ENTPD1: variants seen among roughly 807,000 people sequenced by gnomAD.
ENTPD1 encodes ectonucleoside triphosphate diphosphohydrolase 1.
ENTPD1 carries 33 observed loss-of-function variants against 57.0 expected under a neutral mutation model. The ratio of observed to expected loss-of-function variants is 0.58; its 90% CI spans 0.44 to 0.77. The LOEUF (loss-of-function observed/expected upper bound fraction) is 0.77, where lower values mean the gene tolerates loss of function less well. Ranked by LOEUF, ENTPD1 falls within the 30% of genes least tolerant of loss-of-function variation. The pLI is 0.00. For synonymous variants in ENTPD1, 202 were observed against 218.8 expected, an observed-to-expected ratio of 0.92 and a Z score of 0.68; for missense variants, 501 against 603.4, an observed-to-expected ratio of 0.83 and a Z score of 1.78.
intron 2 of ENTPD1, among the ~76,000 whole-genome samples, chr10:95,827,875 C>T (rs1344161406): frequency 6.6e-6 from 1 of 152,216 alleles, no homozygotes; most frequent in African/African-American, 2.4e-5. Context: ...CAACTAGTCA[C>T]ATTTCAAGTG....
chr10:95,760,395 C>A (rs1372345219), intron 1 of ENTPD1, among the ~76,000 whole-genome samples: 1 of 151,046 alleles, frequency 6.6e-6, no homozygotes, highest in Admixed American at 6.6e-5. Context: ...GTAAAAAGCC[C>A]CCTTTTTTCC....
At chr10:95,835,816 C>A (rs1355377272) in intron 2 of ENTPD1, among the ~76,000 whole-genome samples, 2 of 151,952 alleles carry the variant, frequency 1.3e-5, no homozygotes, top group East Asian at 3.9e-4. Context: ...TGTGCAGAAG[C>A]TCTTTAGTTT....
Position 95,847,587 on chromosome 10 carries a change from A to G in ENTPD1, c.955A>G (p.Ile319Val), listed in dbSNP as rs1424830728. Residue 319 changes from isoleucine to valine, a missense_variant, in exon 7 of 10, where the codon ATT (isoleucine) becomes GTT (valine). Physicochemically the swap from Ile to Val is conservative, Grantham distance 29. Coordinates refer to ENST00000371205, the MANE Select transcript of ENTPD1 (RefSeq NM_001776.6). ...LPFQQFEIQG[I>V]GNYQQCHQSI... ...ATTCCAGCAGTTTGAAATCCAGGGT[A>G]TTGGAAACTATCAACAATGCCATCA... 6.2e-7 allele frequency: 1 copy of G among 1,614,158 alleles called. No homozygotes were observed. The highest frequency in any genetic ancestry group is 8.5e-7 in the Non-Finnish European group (1 of 1,180,024).
intron 1 of ENTPD1, among the ~76,000 whole-genome samples, chr10:95,787,807 T>C (rs140875271): frequency 0.015 from 2,249 of 152,324 alleles, 28 homozygotes; most frequent in Middle Eastern, 0.044. Flanking sequence ...GTTCTTACCA[T>C]ATGTAATCTT....
Position 95,867,025 on chromosome 10 carries a change from G to C in ENTPD1, c.*642G>C. On this transcript the variant is annotated 3_prime_UTR_variant, in exon 10 of 10. Transcript: ENST00000371205. ...TATGTCAATAAATCACATATTCCTA[G>C]GTGATACCCAAATGCTACAGAGTGG... 1 of 991,716 alleles carries C rather than the reference G, an allele frequency of 1.0e-6. No homozygotes were observed. Among genetic ancestry groups the C allele is most frequent in the African/African-American group, 1.7e-5 (1 of 57,348 alleles). The allele number at this position is 991,716 out of a possible 1,614,324, so 61.4% of individuals were successfully genotyped here.
intron 1 of ENTPD1, among the ~76,000 whole-genome samples, chr10:95,799,022 T>C (rs6584028): frequency 0.16 from 24,188 of 152,198 alleles, 2,490 homozygotes; most frequent in African/African-American, 0.28. Flanking sequence ...AGCCCGGTTT[T>C]ATACAGACAG....
intron 1 of ENTPD1, among the ~76,000 whole-genome samples, chr10:95,784,835 A>G (rs1023850966): frequency 2.6e-5 from 4 of 152,138 alleles, no homozygotes; most frequent in African/African-American, 9.7e-5. Flanking sequence ...ACTTCACTCC[A>G]TCAGGCCAGG....
chr10:95,696,742 T>C, the ENTPD1 span, among the ~76,000 whole-genome samples: 36 of 152,236 alleles, frequency 2.4e-4, no homozygotes, highest in Non-Finnish European at 3.8e-4. Context: ...AAGTCTTAAA[T>C]TGAGATCATA....
intron 1 of ENTPD1, among the ~76,000 whole-genome samples, chr10:95,764,800 G>T (rs1464434767): frequency 7.3e-6 from 1 of 137,058 alleles, no homozygotes; most frequent in Non-Finnish European, 1.5e-5. Context: ...TTGGCTCACT[G>T]CAACCTCCAC....
At chr10:95,741,162 T>C (rs1051857891) in intron 1 of ENTPD1, among the ~76,000 whole-genome samples, 2 of 152,208 alleles carry the variant, frequency 1.3e-5, no homozygotes. Context: ...TTCTAACTTT[T>C]GATTTCCAGT....
At chr10:95,845,908 A>G (rs2098434586) in intron 6 of ENTPD1, 1 of 386,820 alleles carries the variant, frequency 2.6e-6, no homozygotes, top group Non-Finnish European at 4.8e-6. Context: ...TTGGAGGGGG[A>G]ATTGCAATTT....
upstream of ENTPD1, among the ~76,000 whole-genome samples, chr10:95,711,435 C>G (rs184317737): frequency 2.6e-3 from 395 of 152,346 alleles, 8 homozygotes; most frequent in Non-Finnish European, 1.1e-3. Context: ...TTCTACATGG[C>G]TGTTCATACT....
At chr10:95,845,912 G>A in intron 6 of ENTPD1, 1 of 371,110 alleles carries the variant, frequency 2.7e-6, no homozygotes, top group Non-Finnish European at 5.0e-6. Context: ...AGGGGGAATT[G>A]CAATTTATAA....
rs151023368 is a variant in ENTPD1 at position 95,868,810 on chromosome 10, T to C, written c.*2427T>C. ...TTCAGAGAACACAAATCTTTTCTTA[T>C]TCCATTCCTGTTTGGTTGCCTACGT... On this transcript the variant is annotated 3_prime_UTR_variant, in exon 10 of 10. Transcript: ENST00000371205. 18,133 of 985,328 alleles carry C rather than the reference T, an allele frequency of 0.018. 187 individuals are homozygous for C. The highest frequency in any genetic ancestry group is 0.036 in the East Asian group (315 of 8,810). The allele number at this position is 985,328 out of a possible 1,614,324, so 61.0% of individuals were successfully genotyped here.
At chr10:95,859,891 GTTC>G (rs2098462344) in intron 7 of ENTPD1, among the ~76,000 whole-genome samples, 1 of 151,894 alleles carries the variant, frequency 6.6e-6, no homozygotes, top group Non-Finnish European at 1.5e-5. Context: ...TTTTTTTATA[GTTC>G]TTATGTTTGA....
intron 1 of ENTPD1, among the ~76,000 whole-genome samples, chr10:95,807,384 G>A (rs1451821174): frequency 6.6e-6 from 1 of 152,154 alleles, no homozygotes; most frequent in Non-Finnish European, 1.5e-5. Context: ...TATTTGGGTG[G>A]GAGTGTCCCG....
At chr10:95,820,547 G>A (rs1278054998) in intron 1 of ENTPD1, among the ~76,000 whole-genome samples, 1 of 152,162 alleles carries the variant, frequency 6.6e-6, no homozygotes, top group East Asian at 1.9e-4. Context: ...CCACCTCTGG[G>A]TTCTTGCAGT....
intron 2 of ENTPD1, among the ~76,000 whole-genome samples, chr10:95,838,612 G>A (rs2098416030): frequency 6.6e-6 from 1 of 152,190 alleles, no homozygotes; most frequent in Admixed American, 6.5e-5. Flanking sequence ...CATACATGGT[G>A]GTAGAAGTTA....
At chr10:95,858,972 A>G (rs2098460530) in intron 7 of ENTPD1, among the ~76,000 whole-genome samples, 1 of 152,190 alleles carries the variant, frequency 6.6e-6, no homozygotes, top group African/African-American at 2.4e-5. Flanking sequence ...AACCCTTTAT[A>G]TGTGTGTGTT....
Sources: allele counts gnomAD v4.1 joint callset (sites outside exome capture counted in the v4.1 genomes callset), GRCh38; gene constraint gnomAD v4.1.1; transcripts MANE v1.5; gene names NCBI Gene and HGNC (gene_info 2026-07-23, HGNC 2026-07-21).